The following SRP72 variants were observed in gnomAD, a reference collection of about 807,000 sequenced individuals.
SRP72 encodes the protein signal recognition particle subunit SRP72.
A neutral mutation model predicts 96.3 loss-of-function variants in SRP72; 49 were observed. The ratio of observed to expected loss-of-function variants is 0.51; its 90% CI spans 0.40 to 0.65. SRP72 has a LOEUF of 0.65. Among genes scored for constraint, SRP72 ranks in the 30% least tolerant of loss-of-function variants. SRP72 has a pLI of 0.00. For missense variants in SRP72, 736 were observed against 793.3 expected (o/e 0.93, Z 0.87); for synonymous variants, 267 against 275.2 (o/e 0.97, Z 0.30).
chr4:56,470,756 T>C (rs1026071447), intron 2 of SRP72, among the ~76,000 whole-genome samples: 1 of 152,030 alleles, frequency 6.6e-6, no homozygotes, highest in Admixed American at 6.6e-5. Context: ...AAATTCAGTC[T>C]CTTGATTTTG....
Position 56,478,390 on chromosome 4 carries a change from G to A in SRP72, c.654G>A (p.Glu218=). Residue 218 remains glutamate, a synonymous_variant, in exon 7 of 19, where the codon GAG becomes GAA. Coordinates refer to ENST00000642900, the MANE Select transcript of SRP72 (RefSeq NM_006947.4). ...TTTCTTTCTCTTAGGATGGGACTGAGGAAGACCCACAGGCAGAACTGGCCA... is the reference window on the plus strand; with the variant it reads ...TTTCTTTCTCTTAGGATGGGACTGAAGAAGACCCACAGGCAGAACTGGCCA... ...RSLSEDTDGT[E]EDPQAELAII... 1 of 1,606,350 alleles carries A rather than the reference G, an allele frequency of 6.2e-7. No homozygotes were observed. Among genetic ancestry groups the A allele is most frequent in the Non-Finnish European group, 8.5e-7 (1 of 1,177,370 alleles).
At chr4:56,484,976 T>C (rs557484690) in intron 10 of SRP72, 112 bp downstream of exon 10, 2 of 1,275,302 alleles carry the variant, frequency 1.6e-6, no homozygotes, top group South Asian at 3.4e-5. Context: ...ATCAGAAATG[T>C]ACCACTACAC....
chr4:56,500,141 ACTCAT>A (rs1721210863), intron 17 of SRP72, among the ~76,000 whole-genome samples: 1 of 152,074 alleles, frequency 6.6e-6, no homozygotes, highest in Non-Finnish European at 1.5e-5. Flanking sequence ...GCGTGTTCTC[ACTCAT>A]AAGTGGGAGT....
Position 56,500,683 on chromosome 4 carries a change from C to T in SRP72, c.1826C>T (p.Ala609Val), listed in dbSNP as rs747086208. The change falls in exon 18 of 19, where the codon GCT becomes GTT. Residue 609 changes from alanine (A) to valine (V), a missense_variant. By Grantham distance (64) the Ala-to-Val change is moderately conservative (BLOSUM62 0). Around this residue, in one of 3 missense-constraint regions of SRP72, gnomAD observed 388 missense variants for 431.8 expected, o/e 0.90. Coordinates refer to ENST00000642900, the MANE Select transcript of SRP72 (RefSeq NM_006947.4). Reference sequence around the variant, plus strand: ...GGGACCCAGGGAGCAACTGCAGGAGCTTCATCTGAACTGTAAGTTATTGCT... The same window carrying T: ...GGGACCCAGGGAGCAACTGCAGGAGTTTCATCTGAACTGTAAGTTATTGCT... Reference protein sequence around the residue: ...GKGTQGATAGASSELDASKTV... With the variant: ...GKGTQGATAGVSSELDASKTV... The T allele has an allele frequency of 1.9e-6, 3 of 1,613,534 alleles. No individual in the cohort carries two copies. In the Admixed American group the frequency reaches 5.0e-5, roughly 27 times the overall value.
At chr4:56,499,237 A>C (rs1009796452) in intron 17 of SRP72, among the ~76,000 whole-genome samples, 3 of 152,248 alleles carry the variant, frequency 2.0e-5, no homozygotes, top group Non-Finnish European at 4.4e-5. Context: ...CTCAAGATGG[A>C]TTAAAGACTT....
rs77065367 is a variant in SRP72 at position 56,492,312 on chromosome 4, G to A, written c.1640+744G>A. 1.2e-3 allele frequency among the ~76,000 whole-genome samples: 182 copies of A among 152,188 alleles called. 3 individuals carry two copies. In the East Asian group the frequency reaches 0.029, roughly 24 times the overall value. On this transcript the variant is annotated intron_variant, in intron 16 of 18. Coordinates refer to ENST00000642900, the MANE Select transcript of SRP72 (RefSeq NM_006947.4). ...TGTTGTACATTTAGTACATCATTTAGTATATGATTTCTTTTGCTGATTTGA... is the reference window on the plus strand; with the variant it reads ...TGTTGTACATTTAGTACATCATTTAATATATGATTTCTTTTGCTGATTTGA...
intron 10 of SRP72, 67 bp downstream of exon 10, chr4:56,484,931 T>C (rs1483933378): frequency 5.1e-6 from 8 of 1,555,926 alleles, no homozygotes; most frequent in Non-Finnish European, 6.9e-6. Flanking sequence ...TGTGTTGTAA[T>C]AACCTACTAG....
At position 56,467,755 on chromosome 4, in the gene SRP72, G is replaced by T; in HGVS notation, c.109+11G>T. On this transcript the variant is annotated intron_variant, in intron 1 of 18. Coordinates refer to ENST00000642900, the MANE Select transcript of SRP72 (RefSeq NM_006947.4). ...AGACCGTCAATAAGAGTAAGTGTCGGGGTGGGCACTGGGGCGGGCCCAGGC... is the reference window on the plus strand; with the variant it reads ...AGACCGTCAATAAGAGTAAGTGTCGTGGTGGGCACTGGGGCGGGCCCAGGC... The T allele has an allele frequency of 6.7e-7, 1 of 1,501,016 alleles. No individual in the cohort carries two copies. The highest frequency in any genetic ancestry group is 1.3e-5 in the South Asian group (1 of 76,278). 93.0% of individuals were successfully genotyped at this position (1,501,016 alleles called of 1,614,324 possible).
rs564575612 is a variant in SRP72, at chr4:56,493,177, A to G, written c.1640+1609A>G. Among the ~76,000 whole-genome samples, 557 of 151,972 alleles carry G rather than the reference A, an allele frequency of 3.7e-3. 8 individuals carry two copies. Among genetic ancestry groups the G allele is most frequent in the African/African-American group, 0.012 (486 of 41,462 alleles). ...CTCAGCCTCCTGAGTAGCTGGGACT[A>G]CAGGTGCCTGCCATCACGCCTGGCT... On this transcript the variant is annotated intron_variant, in intron 16 of 18. Transcript: ENST00000642900.
At chr4:56,495,312 A>G (rs760184361) in intron 16 of SRP72, 45 bp from the exon 17 acceptor site, 3 of 1,364,456 alleles carry the variant, frequency 2.2e-6, no homozygotes, top group African/African-American at 2.9e-5. Flanking sequence ...TGCTCTATAA[A>G]TATTTTATCA....
In SRP72 at chr4:56,502,827, G is replaced by C. The variant is rs1721315283; in HGVS notation, c.*966G>C. On this transcript the variant is annotated 3_prime_UTR_variant, in exon 19 of 19. Transcript: ENST00000642900. ...GATACTCAAATGGTGTCTCCTTCTG[G>C]TTATGGATTTTGACCATTGATTACC... 1 of 152,016 alleles carries C rather than the reference G, an allele frequency of 6.6e-6. No individual in the cohort carries two copies. The highest frequency in any genetic ancestry group is 2.4e-5 in the African/African-American group (1 of 41,372). 9.4% of individuals were successfully genotyped at this position (152,016 alleles called of 1,614,324 possible). A position where few individuals can be genotyped will look rare whatever the true frequency, so the allele number is the denominator to read the frequency against.
chr4:56,501,780 ACAC>A lies in SRP72; in HGVS notation c.1938_1940del (p.His646del). 1 of 1,614,150 alleles carries A rather than the reference ACAC, an allele frequency of 6.2e-7. No homozygotes were observed. Among genetic ancestry groups the A allele is most frequent in the South Asian group, 1.1e-5 (1 of 91,084 alleles). On this transcript the variant is annotated inframe_deletion, in exon 19 of 19. Coordinates refer to ENST00000642900, the MANE Select transcript of SRP72 (RefSeq NM_006947.4). ...CTACAAGTAACATCATACCCCCAAG[ACAC>A]CAGAAACCTGCAGGGGCTCCAGCAA...
intron 6 of SRP72, among the ~76,000 whole-genome samples, chr4:56,478,019 CATT>C (rs1034082223): frequency 6.6e-6 from 1 of 152,030 alleles, no homozygotes; most frequent in Non-Finnish European, 1.5e-5. Context: ...TTAGGGATAT[CATT>C]ATAAAAAGAT....
intron 1 of SRP72, among the ~76,000 whole-genome samples, 171 bp downstream of exon 1, chr4:56,467,915 A>G (rs1248911880): frequency 6.6e-6 from 1 of 151,470 alleles, no homozygotes; most frequent in African/African-American, 2.4e-5. Flanking sequence ...CGCAGGTCTC[A>G]CTCCTCGGCT....
At position 56,497,958 on chromosome 4, in the gene SRP72, G is replaced by A. The variant is rs185185851; in HGVS notation, c.1678+2564G>A. On this transcript the variant is annotated intron_variant, in intron 17 of 18. Coordinates refer to ENST00000642900, the MANE Select transcript of SRP72 (RefSeq NM_006947.4). ...AGATGAATGACTTTCCTTTCTCCTA[G>A]CCTACCTTAATTATAACTGAGTCCA... Among the ~76,000 whole-genome samples the A allele has an allele frequency of 2.9e-4, 44 of 152,172 alleles. 1 individual carries two copies. The East Asian group carries it at 8.5e-3, about 29-fold the overall frequency.
intron 18 of SRP72, 26 bp downstream of exon 18, chr4:56,500,721 G>T (rs529952278): frequency 1.1e-5 from 17 of 1,599,362 alleles, no homozygotes; most frequent in Non-Finnish European, 1.5e-5. Context: ...ACAATTGAGG[G>T]CACTTAGAAC....
Position 56,478,364 on chromosome 4 carries a change from A to G in SRP72, c.643-15A>G, listed in dbSNP as rs1268964827. 6.4e-7 allele frequency: 1 copy of G among 1,552,724 alleles called. No homozygotes were observed. The highest frequency in any genetic ancestry group is 2.1e-5 in the Admixed American group (1 of 46,734). On this transcript the variant is annotated splice_polypyrimidine_tract_variant and intron_variant, in intron 6 of 18. Coordinates refer to ENST00000642900, the MANE Select transcript of SRP72 (RefSeq NM_006947.4). ...TTTGGAAAATTTATATGGGAAAAAC[A>G]TTTCTTTCTCTTAGGATGGGACTGA...
Position 56,467,634 on chromosome 4 carries a change from A to G in SRP72, c.-2A>G. The G allele has an allele frequency of 6.4e-7, 1 of 1,557,904 alleles. No individual in the cohort carries two copies. Among genetic ancestry groups the G allele is most frequent in the Non-Finnish European group, 8.7e-7 (1 of 1,153,422 alleles). On this transcript the variant is annotated 5_prime_UTR_variant, in exon 1 of 19. Coordinates refer to ENST00000642900, the MANE Select transcript of SRP72 (RefSeq NM_006947.4). ...CCCGCCCCGCCCCTCGTCTCCTCCAAGATGGCGAGCGGCGGCAGCGGGGGG... is the reference window on the plus strand; with the variant it reads ...CCCGCCCCGCCCCTCGTCTCCTCCAGGATGGCGAGCGGCGGCAGCGGGGGG...
chr4:56,484,788 A>G lies in SRP72; in HGVS notation c.1010A>G (p.His337Arg). The change falls in exon 10 of 19, where the codon CAT (histidine) becomes CGT (arginine). Residue 337 changes from histidine to arginine, a missense_variant. Physicochemically the swap from His to Arg is conservative, Grantham distance 29. Transcript: ENST00000642900. Reference protein sequence around the residue: ...SASLQSQSPEHLLPVLIQAAQ... With the variant: ...SASLQSQSPERLLPVLIQAAQ... ...AGTTTACAGTCCCAAAGTCCCGAGC[A>G]TCTCTTACCTGTGTTAATCCAAGCT... is the stretch of plus-strand genomic sequence containing the variant. 2.5e-6 allele frequency: 4 copies of G among 1,614,204 alleles called. No individual in the cohort carries two copies. Among genetic ancestry groups the G allele is most frequent in the South Asian group, 1.1e-5 (1 of 91,086 alleles).
Sources: gnomAD v4.1 joint callset for allele counts (sites outside exome capture counted in the v4.1 genomes callset) on GRCh38, gnomAD v4.1.1 for gene constraint, gnomAD v4.1.1 regional missense constraint, MANE v1.5 for transcripts, NCBI Gene and HGNC (gene_info 2026-07-23, HGNC 2026-07-21) for gene names.